The following AMPD1 variants were observed in gnomAD, a reference collection of about 807,000 sequenced individuals.
The protein encoded by AMPD1 is AMP deaminase 1.
In AMPD1, 74 loss-of-function variants were observed where a neutral mutation model predicts 82.9. The observed-to-expected ratio is 0.89, with a 90% CI of 0.74 to 1.08. The LOEUF is 1.08. Ranked by LOEUF, AMPD1 falls within the 50% of genes least tolerant of loss-of-function variation. The pLI is 0.00. For synonymous variants in AMPD1, 333 were observed against 320.5 expected, an observed-to-expected ratio of 1.04 and a Z score of -0.42; for missense variants, 881 against 924.5, an observed-to-expected ratio of 0.95 and a Z score of 0.61.
At chr1:114,683,804 A>T (rs557690837) in intron 5 of AMPD1, among the ~76,000 whole-genome samples, 1 of 152,312 alleles carries the variant, frequency 6.6e-6, no homozygotes, top group African/African-American at 2.4e-5. Flanking sequence ...TAAAGACTGG[A>T]CTTTGCTTTG....
intron 5 of AMPD1, among the ~76,000 whole-genome samples, chr1:114,682,904 C>T (rs1182115080): frequency 6.6e-6 from 1 of 152,096 alleles, no homozygotes; most frequent in Non-Finnish European, 1.5e-5. Flanking sequence ...TTTGCCTCCC[C>T]AGAAATTTTA....
chr1:114,675,508 G>A lies in AMPD1; in HGVS notation c.1679+22C>T, dbSNP rs754795858. ...GAGCTGTGTCAAATAGACCCTCCTAGCTCCAGCTGTCTCCTACTTACTTTC... is the reference window on the plus strand; with the variant it reads ...GAGCTGTGTCAAATAGACCCTCCTAACTCCAGCTGTCTCCTACTTACTTTC... On this transcript the variant is annotated intron_variant, in intron 12 of 15. Coordinates refer to ENST00000520113, the MANE Select transcript of AMPD1 (RefSeq NM_000036.3). 8 of 1,612,512 alleles carry A rather than the reference G, an allele frequency of 5.0e-6. No homozygotes were observed. In the East Asian group the frequency reaches 1.8e-4, roughly 36 times the overall value.
Position 114,677,347 on chromosome 1 carries a change from A to C in AMPD1, c.1388+4T>G, listed in dbSNP as rs754480513. 3.7e-6 allele frequency: 6 copies of C among 1,610,128 alleles called. No homozygotes were observed. In the East Asian group the frequency reaches 8.9e-5, roughly 24 times the overall value. On this transcript the variant is annotated splice_donor_region_variant and intron_variant, in intron 10 of 15. Transcript: ENST00000520113. The stretch of plus-strand genomic sequence containing the variant: ...TCTAGAGTTTCTGATGGGCAGGTAC[A>C]TACTAGATCCTGGGAACCTGGATCA...
chr1:114,688,550 A>G lies in AMPD1; in HGVS notation c.215+11T>C. 2 of 1,614,022 alleles carry G rather than the reference A, an allele frequency of 1.2e-6. No individual in the cohort carries two copies. The highest frequency in any genetic ancestry group is 1.7e-6 in the Non-Finnish European group (2 of 1,179,960). On this transcript the variant is annotated intron_variant, in intron 3 of 15. Transcript: ENST00000520113. ...TGCCAATATACTAAGCACTCCCCTT[A>G]CACCACTTACCTCCTGGCTTCTGTG... is the stretch of plus-strand genomic sequence containing the variant.
Position 114,684,246 on chromosome 1 carries a change from C to A in AMPD1, c.500G>T (p.Arg167Leu). Residue 167 changes from arginine (R) to leucine (L), a missense_variant, in exon 5 of 16, where the codon CGG becomes CTG. Arg to Leu is a moderately radical substitution (Grantham distance 102, BLOSUM62 -2). Transcript: ENST00000520113. ...TACCCAAGCCTCACCATCAATGTTC[C>A]GCAAGTATTTGGAAGGGGTTTTAGG... is the stretch of plus-strand genomic sequence containing the variant. ...RFPKTPSKYLRNIDGEAWVAN... is the reference protein window; with the variant it reads ...RFPKTPSKYLLNIDGEAWVAN... 1.2e-6 allele frequency: 2 copies of A among 1,614,026 alleles called. No individual in the cohort carries two copies. The highest frequency in any genetic ancestry group is 1.7e-6 in the Non-Finnish European group (2 of 1,180,014).
chr1:114,677,545 G>A (rs754214250), intron 9 of AMPD1, 31 bp from the exon 10 acceptor site: 1 of 1,613,402 alleles, frequency 6.2e-7, no homozygotes. Context: ...TCCAAGCCAG[G>A]GATTCCCACA....
intron 5 of AMPD1, among the ~76,000 whole-genome samples, chr1:114,681,335 CT>C (rs1658151714): frequency 6.6e-6 from 1 of 152,070 alleles, no homozygotes; most frequent in African/African-American, 2.4e-5. Flanking sequence ...TGACTCACGC[CT>C]GTAATCCCAG....
chr1:114,673,256 A>G lies in AMPD1; in HGVS notation c.2102T>C (p.Leu701Pro), dbSNP rs759824860. 2 of 1,614,174 alleles carry G rather than the reference A, an allele frequency of 1.2e-6. No homozygotes were observed. The highest frequency in any genetic ancestry group is 1.7e-6 in the Non-Finnish European group (2 of 1,179,998). ...GCCTTCCTCAAGGTAATTGTCGCCC[A>G]GAAACTTTACTTTCTCCTATAAGAG... The part of the protein sequence containing the change: ...GISHEEKVKF[L>P]GDNYLEEGPA... The change falls in exon 16 of 16, where the codon CTG becomes CCG. Residue 701 changes from leucine to proline, a missense_variant. By Grantham distance (98) the Leu-to-Pro change is moderately conservative. This residue lies in a region of AMPD1 where 98 missense variants were observed against 138.1 expected (regional missense o/e 0.71). Transcript: ENST00000520113.
chr1:114,677,874 T>C (rs367641756), intron 9 of AMPD1, 36 bp downstream of exon 9: 418 of 1,491,968 alleles, frequency 2.8e-4, no homozygotes, highest in Non-Finnish European at 3.7e-4. Flanking sequence ...TCAAGAACCA[T>C]GCCAGATACC....
chr1:114,681,659 C>A (rs758762173), intron 5 of AMPD1, among the ~76,000 whole-genome samples: 1 of 151,554 alleles, frequency 6.6e-6, no homozygotes, highest in South Asian at 2.1e-4. Flanking sequence ...GTTACCCACA[C>A]AGGCACAGCC....
chr1:114,680,619 C>T (rs1183632311), intron 5 of AMPD1, 141 bp from the exon 6 acceptor site: 1 of 725,572 alleles, frequency 1.4e-6, no homozygotes, highest in East Asian at 2.7e-5. Flanking sequence ...TTAAGCTAAC[C>T]TTTATTTTTG....
chr1:114,690,966 C>A (rs1450922687), intron 2 of AMPD1, among the ~76,000 whole-genome samples: 5 of 152,206 alleles, frequency 3.3e-5, no homozygotes, highest in Non-Finnish European at 7.3e-5. Flanking sequence ...GCCCAGAAAC[C>A]AAATCCTACT....
Position 114,680,382 on chromosome 1 carries a change from A to G in AMPD1, c.644T>C (p.Val215Ala). 5 of 1,614,220 alleles carry G rather than the reference A, an allele frequency of 3.1e-6. No individual in the cohort carries two copies. Among genetic ancestry groups the G allele is most frequent in the Non-Finnish European group, 4.2e-6 (5 of 1,180,042 alleles). ...GYHLKMKDGV[V>A]YVYPNEAAVS... ...TGCTGCTTCATTAGGATAGACGTAA[A>G]CTACACCGTCCTTCATTTTGAGGTG... Residue 215 changes from valine to alanine, a missense_variant, in exon 6 of 16, where the codon GTT becomes GCT. Coordinates refer to ENST00000520113, the MANE Select transcript of AMPD1 (RefSeq NM_000036.3).
chr1:114,694,654 G>A (rs557086554), intron 1 of AMPD1, among the ~76,000 whole-genome samples: 1 of 152,076 alleles, frequency 6.6e-6, no homozygotes, highest in Admixed American at 6.6e-5. Flanking sequence ...GATGAGCCTG[G>A]GCAACATAGC....
chr1:114,691,441 G>C (rs980391374), intron 2 of AMPD1, among the ~76,000 whole-genome samples: 1 of 151,014 alleles, frequency 6.6e-6, no homozygotes, highest in East Asian at 2.0e-4. Context: ...GGTGGCATAC[G>C]CATGTAGTCC....
At chr1:114,684,002 T>A (rs1387809842) in intron 5 of AMPD1, among the ~76,000 whole-genome samples, 197 bp downstream of exon 5, 1 of 152,074 alleles carries the variant, frequency 6.6e-6, no homozygotes, top group African/African-American at 2.4e-5. Context: ...GTTTAGGGAA[T>A]GGTGAAGAGA....
intron 3 of AMPD1, among the ~76,000 whole-genome samples, chr1:114,687,730 G>A (rs1658362401): frequency 6.6e-6 from 1 of 152,112 alleles, no homozygotes; most frequent in Non-Finnish European, 1.5e-5. Context: ...CTGCTCGGGG[G>A]AGGCAGCAAG....
intron 5 of AMPD1, 46 bp downstream of exon 5, chr1:114,684,153 A>G: frequency 6.4e-7 from 1 of 1,552,908 alleles, no homozygotes; most frequent in South Asian, 1.1e-5. Context: ...AATATTTAGT[A>G]GTTTAAATAA....
chr1:114,678,245 G>C, intron 8 of AMPD1, 88 bp downstream of exon 8: 1 of 1,532,192 alleles, frequency 6.5e-7, no homozygotes, highest in Non-Finnish European at 9.0e-7. Flanking sequence ...AGATGGTTAA[G>C]AGACCTCTGA....
Sources: gnomAD v4.1 joint callset for allele counts (sites outside exome capture counted in the v4.1 genomes callset) on GRCh38, gnomAD v4.1.1 for gene constraint, gnomAD v4.1.1 regional missense constraint, MANE v1.5 for transcripts, NCBI Gene and HGNC (gene_info 2026-07-23, HGNC 2026-07-21) for gene names.